The following RASSF3 variants were observed in gnomAD, a reference collection of about 807,000 sequenced individuals.
The protein encoded by RASSF3 is ras association domain-containing protein 3.
A neutral mutation model predicts 19.9 loss-of-function variants in RASSF3; 19 were observed. The ratio of observed to expected loss-of-function variants is 0.96; its 90% CI spans 0.67 to 1.40. RASSF3 has a LOEUF of 1.40. Ranked by LOEUF, RASSF3 falls within the 40% of genes most tolerant of loss-of-function variation. The pLI is 0.00. For synonymous variants in RASSF3, 110 were observed against 104.2 expected, an observed-to-expected ratio of 1.06 and a Z score of -0.34; for missense variants, 306 against 289.8, an observed-to-expected ratio of 1.06 and a Z score of -0.41.
chr12:64,660,052 GTATA>G (rs146920963), intron 1 of RASSF3, among the ~76,000 whole-genome samples: 2 of 109,442 alleles, frequency 1.8e-5, no homozygotes, highest in Admixed American at 9.5e-5. Context: ...GTGTGTGTAT[GTATA>G]TATATATGTG....
At chr12:64,596,400 C>T (rs775265122) in intron 2 of RASSF3, among the ~76,000 whole-genome samples, 25 of 152,144 alleles carry the variant, frequency 1.6e-4, no homozygotes, top group Non-Finnish European at 2.8e-4. Flanking sequence ...AAAGGAAACC[C>T]GAAATTGCAA....
At chr12:64,559,750 T>C (rs1337330649) in intron 2 of RASSF3, among the ~76,000 whole-genome samples, 1 of 152,236 alleles carries the variant, frequency 6.6e-6, no homozygotes, top group African/African-American at 2.4e-5. Context: ...CCCCCCAAAA[T>C]TGTCCTCTAG....
At chr12:64,542,999 C>T (rs111726968), downstream of RASSF3, among the ~76,000 whole-genome samples, 1 of 145,316 alleles carries the variant, frequency 6.9e-6, no homozygotes, top group Non-Finnish European at 1.5e-5. Context: ...GTGGGCTTGG[C>T]GGGGCCCCGC....
chr12:64,685,164 C>T (rs1425309577), intron 2 of RASSF3, among the ~76,000 whole-genome samples: 2 of 152,074 alleles, frequency 1.3e-5, no homozygotes, highest in Non-Finnish European at 2.9e-5. Flanking sequence ...ACCCACCCCT[C>T]CCTCCTCAAA....
intron 2 of RASSF3, among the ~76,000 whole-genome samples, chr12:64,562,134 T>G (rs1283239598): frequency 6.6e-6 from 1 of 151,764 alleles, no homozygotes; most frequent in East Asian, 1.9e-4. Context: ...TCTGCCTCCC[T>G]GGTTCAAGAG....
chr12:64,510,446 G>A (rs899601056), intron 1 of RASSF3, among the ~76,000 whole-genome samples: 8 of 152,136 alleles, frequency 5.3e-5, no homozygotes, highest in Non-Finnish European at 1.2e-4. Context: ...CAATATCCTA[G>A]AGTCATCTAA....
intron 1 of RASSF3, among the ~76,000 whole-genome samples, chr12:64,537,978 T>A (rs1163692460): frequency 1.3e-5 from 2 of 151,736 alleles, no homozygotes; most frequent in Non-Finnish European, 2.9e-5. Context: ...GTGTCGTCTA[T>A]GTCCTACTCG....
At chr12:64,597,673 G>T (rs1870018834) in intron 2 of RASSF3, among the ~76,000 whole-genome samples, 1 of 151,416 alleles carries the variant, frequency 6.6e-6, no homozygotes, top group Admixed American at 6.6e-5. Flanking sequence ...GCCCAGGCTG[G>T]TCTCGAACTC....
intron 1 of RASSF3, among the ~76,000 whole-genome samples, chr12:64,654,509 AACTAATTC>A (rs1339027292): frequency 6.6e-6 from 1 of 151,674 alleles, no homozygotes; most frequent in Non-Finnish European, 1.5e-5. Context: ...TTCCACTTAG[AACTAATTC>A]ACCGTGGCTG....
intron 1 of RASSF3, among the ~76,000 whole-genome samples, chr12:64,520,453 GCCGGCTAATTT>G (rs1220667363): frequency 6.6e-6 from 1 of 151,302 alleles, no homozygotes; most frequent in Non-Finnish European, 1.5e-5. Context: ...GAGCCACCGC[GCCGGCTAATTT>G]CTGATTCTTT....
chr12:64,555,241 A>G (rs1869237301), intron 2 of RASSF3, among the ~76,000 whole-genome samples: 1 of 146,734 alleles, frequency 6.8e-6, no homozygotes, highest in Non-Finnish European at 1.5e-5. Flanking sequence ...GACTCTGTCA[A>G]AAAAAAAAAA....
intron 1 of RASSF3, among the ~76,000 whole-genome samples, chr12:64,664,921 T>C (rs943725364): frequency 6.6e-6 from 1 of 152,256 alleles, no homozygotes; most frequent in African/African-American, 2.4e-5. Context: ...TATTGAAGGC[T>C]ATTACTAATT....
chr12:64,588,570 TA>T (rs1342309551), intron 2 of RASSF3, among the ~76,000 whole-genome samples: 1 of 151,856 alleles, frequency 6.6e-6, no homozygotes, highest in East Asian at 1.9e-4. Flanking sequence ...ATAAATAAAA[TA>T]TATCTATTAT....
chr12:64,678,013 A>T (rs150734780), intron 1 of RASSF3, among the ~76,000 whole-genome samples: 238 of 152,292 alleles, frequency 1.6e-3, no homozygotes, highest in African/African-American at 5.6e-3. Context: ...CCATGAATTC[A>T]GTGGAAATGT....
rs11175435 is a variant in RASSF3 at position 64,539,799 on chromosome 12, C to T, written c.68-1782C>T. On this transcript the variant is annotated intron_variant, in intron 1 of 1. Transcript: ENST00000636333. ...CAAAAGAAAAAAAAAATTTCTCATA[C>T]CATTAAATATTATTATTCTCCAACA... 8.5e-5 allele frequency among the ~76,000 whole-genome samples: 13 copies of T among 152,148 alleles called. No homozygotes were observed. The East Asian group carries it at 1.7e-3, about 20-fold the overall frequency.
intron 1 of RASSF3, among the ~76,000 whole-genome samples, chr12:64,667,711 T>C (rs775072024): frequency 6.6e-5 from 10 of 152,172 alleles, no homozygotes; most frequent in Non-Finnish European, 1.0e-4. Context: ...GAGACCAAAA[T>C]TTACCTTTAT....
chr12:64,558,695 T>G (rs1331557757), intron 2 of RASSF3, among the ~76,000 whole-genome samples: 1 of 152,184 alleles, frequency 6.6e-6, no homozygotes, highest in East Asian at 1.9e-4. Flanking sequence ...CCAGAGGTCT[T>G]TCTGAGGAGT....
chr12:64,536,012 TTTTTG>T, intron 1 of RASSF3, among the ~76,000 whole-genome samples: 1 of 147,030 alleles, frequency 6.8e-6, no homozygotes, highest in Non-Finnish European at 1.5e-5. Flanking sequence ...TTTTTTTTTT[TTTTTG>T]AGACGGAGTC....
intron 1 of RASSF3, 64 bp downstream of exon 1, chr12:64,610,807 C>A: frequency 9.7e-7 from 1 of 1,030,760 alleles, no homozygotes; most frequent in Non-Finnish European, 1.4e-6. Flanking sequence ...CGCCAGCCCG[C>A]GCCCCCTGCC....
Sources: gnomAD v4.1 joint callset for allele counts (sites outside exome capture counted in the v4.1 genomes callset) on GRCh38, gnomAD v4.1.1 for gene constraint, MANE v1.5 for transcripts, NCBI Gene and HGNC (gene_info 2026-07-23, HGNC 2026-07-21) for gene names.